TMEM132B: variants seen among roughly 807,000 people sequenced by gnomAD.
TMEM132B encodes the protein transmembrane protein 132B.
In TMEM132B, 18 loss-of-function variants were observed where a neutral mutation model predicts 90.8. That is an observed-to-expected ratio of 0.20 (90% CI 0.14 to 0.29). The LOEUF (loss-of-function observed/expected upper bound fraction) is 0.29. Among genes scored for constraint, TMEM132B ranks in the 10% least tolerant of loss-of-function variants. The pLI, the probability that TMEM132B is intolerant of heterozygous loss-of-function variation, is 1.00. For missense variants in TMEM132B, 1,096 were observed against 1,326.8 expected, an observed-to-expected ratio of 0.83 and a Z score of 2.70; for synonymous variants, 504 against 523.3, an observed-to-expected ratio of 0.96 and a Z score of 0.50.
chr12:125,201,501 A>G (rs1003047249), intron 1 of TMEM132B, among the ~76,000 whole-genome samples: 2 of 152,222 alleles, frequency 1.3e-5, no homozygotes, highest in African/African-American at 4.8e-5. Context: ...TCAGCTTTAT[A>G]TCGCTCACTG....
At chr12:125,652,173 T>G (rs1349563606) in intron 7 of TMEM132B, among the ~76,000 whole-genome samples, 1 of 152,242 alleles carries the variant, frequency 6.6e-6, no homozygotes, top group Non-Finnish European at 1.5e-5. Context: ...TATTATTGCC[T>G]GTAAGTTAAA....
chr12:125,581,823 A>G (rs1020719279), intron 4 of TMEM132B, among the ~76,000 whole-genome samples: 2 of 151,806 alleles, frequency 1.3e-5, no homozygotes, highest in African/African-American at 4.9e-5. Context: ...CTTCCATATC[A>G]TTACCCCACC....
chr12:125,379,537 G>T (rs1204911088), intron 2 of TMEM132B, among the ~76,000 whole-genome samples: 1 of 152,200 alleles, frequency 6.6e-6, no homozygotes. Flanking sequence ...CCCTCCTGAA[G>T]GATCACAGCG....
chr12:125,418,469 C>T (rs189188912), intron 3 of TMEM132B, among the ~76,000 whole-genome samples: 5 of 152,248 alleles, frequency 3.3e-5, no homozygotes, highest in South Asian at 2.1e-4. Flanking sequence ...TACCTAATCT[C>T]GCAAAATCCA....
chr12:125,441,517 G>A (rs982451384), intron 3 of TMEM132B, among the ~76,000 whole-genome samples: 2 of 152,200 alleles, frequency 1.3e-5, no homozygotes, highest in African/African-American at 4.8e-5. Flanking sequence ...CAAACATGGC[G>A]AGTTTTGCTT....
At chr12:125,511,409 C>T (rs113270396) in intron 3 of TMEM132B, among the ~76,000 whole-genome samples, 1,844 of 152,206 alleles carry the variant, frequency 0.012, 13 homozygotes, top group Middle Eastern at 0.034. Flanking sequence ...GGAACTGCAA[C>T]CAGGAAGTAG....
intron 2 of TMEM132B, among the ~76,000 whole-genome samples, chr12:125,413,257 T>C (rs1879908586): frequency 6.6e-6 from 1 of 152,162 alleles, no homozygotes; most frequent in Non-Finnish European, 1.5e-5. Context: ...TTTTGATACA[T>C]TCTATTTTTT....
chr12:125,332,192 GTTAC>G (rs1260421270), intron 1 of TMEM132B, among the ~76,000 whole-genome samples: 1 of 152,134 alleles, frequency 6.6e-6, no homozygotes, highest in Non-Finnish European at 1.5e-5. Context: ...ATCAGAACAT[GTTAC>G]TTAGTATGTT....
In TMEM132B at chr12:125,408,376, A is replaced by G. The variant is rs151067362; in HGVS notation, c.960-7155A>G. 3.7e-3 allele frequency among the ~76,000 whole-genome samples: 565 copies of G among 152,232 alleles called. 7 individuals carry two copies. The highest frequency in any genetic ancestry group is 0.013 in the African/African-American group (545 of 41,536). On this transcript the variant is annotated intron_variant, in intron 2 of 8. Coordinates refer to ENST00000682704, the MANE Select transcript of TMEM132B (RefSeq NM_001366854.1). The surrounding 1 kb of genome is among the most constrained non-coding windows in gnomAD (Gnocchi z 5.9). ...GTGGGGCCTTTTGGGAGATTAGGTC[A>G]TCTCCCTAAAGGAATGGGATTAATG...
intron 3 of TMEM132B, among the ~76,000 whole-genome samples, chr12:125,416,955 C>G (rs1880031288): frequency 6.6e-6 from 1 of 152,144 alleles, no homozygotes; most frequent in South Asian, 2.1e-4. Flanking sequence ...CTTTCAGTTG[C>G]AAGTAATAGA....
At chr12:125,515,405 A>G (rs1236673674) in intron 3 of TMEM132B, among the ~76,000 whole-genome samples, 11 of 149,742 alleles carry the variant, frequency 7.3e-5, no homozygotes, top group East Asian at 2.0e-4. Context: ...TCACAAATAC[A>G]TTCAAACATT....
Position 125,232,592 on chromosome 12 carries a change from T to C in TMEM132B, c.67+45726T>C, listed in dbSNP as rs543344738. ...TAGGAGAAAGTCCTGGGCACAAATA[T>C]AGAATTGACACCTGCTTGCCAGACA... On this transcript the variant is annotated intron_variant, in intron 1 of 8. Transcript: ENST00000682704. 2.0e-5 allele frequency among the ~76,000 whole-genome samples: 3 copies of C among 152,286 alleles called. No homozygotes were observed. In the South Asian group the frequency reaches 6.2e-4, roughly 32 times the overall value.
chr12:125,365,599 A>G (rs986346667), intron 2 of TMEM132B, among the ~76,000 whole-genome samples: 12 of 152,074 alleles, frequency 7.9e-5, no homozygotes, highest in Non-Finnish European at 1.6e-4. Context: ...TTTACTGGCA[A>G]TAAATTCCTT....
At chr12:125,650,565 T>G in intron 6 of TMEM132B, 118 bp from the exon 7 acceptor site, 2 of 1,235,826 alleles carry the variant, frequency 1.6e-6, no homozygotes, top group South Asian at 3.0e-5. Flanking sequence ...GAGCAGGTCC[T>G]GCAGGAGAAG....
At chr12:125,201,345 C>T (rs1165974992) in intron 1 of TMEM132B, among the ~76,000 whole-genome samples, 1 of 152,232 alleles carries the variant, frequency 6.6e-6, no homozygotes, top group East Asian at 1.9e-4. Context: ...GCAGAGAGCA[C>T]AGTATGAGGG....
chr12:125,657,159 T>C lies in TMEM132B; in HGVS notation c.*2449T>C, dbSNP rs1280882264. The C allele has an allele frequency of 6.6e-6, 1 of 152,236 alleles. No individual in the cohort carries two copies. The highest frequency in any genetic ancestry group is 1.5e-5 in the Non-Finnish European group (1 of 68,044). 9.4% of individuals were successfully genotyped at this position (152,236 alleles called of 1,614,324 possible). ...CTGGCCACAGTCCTGAAGATGCTTC[T>C]TGTGACAACTTAGAGTCACTGGGAG... On this transcript the variant is annotated 3_prime_UTR_variant, in exon 9 of 9. Coordinates refer to ENST00000682704, the MANE Select transcript of TMEM132B (RefSeq NM_001366854.1).
rs528992434 is a variant in TMEM132B, at chr12:125,456,639, A to T, written c.1106+40962A>T. On this transcript the variant is annotated intron_variant, in intron 3 of 8. Transcript: ENST00000682704. ...TACTCTCTTACAGGTTCCTTCTGAG[A>T]CCTGGGCTGTTCCTACCTGGCCACT... 2.6e-5 allele frequency among the ~76,000 whole-genome samples: 4 copies of T among 152,136 alleles called. No individual in the cohort carries two copies. In the South Asian group the frequency reaches 8.3e-4, roughly 32 times the overall value.
At chr12:125,299,729 C>T (rs1329404330) in intron 1 of TMEM132B, among the ~76,000 whole-genome samples, 1 of 152,204 alleles carries the variant, frequency 6.6e-6, no homozygotes, top group Non-Finnish European at 1.5e-5. Flanking sequence ...CTGTCTGATC[C>T]ACCAGCAGAT....
At chr12:125,529,377 A>C (rs934417352) in intron 4 of TMEM132B, among the ~76,000 whole-genome samples, 1 of 152,230 alleles carries the variant, frequency 6.6e-6, no homozygotes, top group Non-Finnish European at 1.5e-5. Flanking sequence ...GATTGCAGGC[A>C]TGAGCCACTG....
Sources: allele counts gnomAD v4.1 joint callset (sites outside exome capture counted in the v4.1 genomes callset), GRCh38; gene constraint gnomAD v4.1.1; non-coding constraint Gnocchi (gnomAD v3.1); transcripts MANE v1.5; gene names NCBI Gene and HGNC (gene_info 2026-07-23, HGNC 2026-07-21).